MYO3B: variants seen among roughly 807,000 people sequenced by gnomAD.
MYO3B encodes myosin IIIB.
MYO3B carries 156 observed loss-of-function variants against 174.6 expected under a neutral mutation model. That is an observed-to-expected ratio of 0.89 (90% CI 0.78 to 1.02). The LOEUF (loss-of-function observed/expected upper bound fraction) is 1.02. MYO3B is among the 50% of genes least tolerant of loss of function. MYO3B has a pLI of 0.00. For missense variants in MYO3B, 1,632 were observed against 1,639.4 expected, an observed-to-expected ratio of 1.00 and a Z score of 0.08; for synonymous variants, 563 against 569.1, an observed-to-expected ratio of 0.99 and a Z score of 0.15.
intron 32 of MYO3B, among the ~76,000 whole-genome samples, chr2:170,621,516 TTTTTTTG>T (rs1559167296): frequency 4.9e-5 from 5 of 102,434 alleles, no homozygotes; most frequent in East Asian, 8.5e-4. Context: ...TGTTTTTTTG[TTTTTTTG>T]TTTTTGAGAC....
chr2:170,291,692 C>A (rs968856908), intron 7 of MYO3B, among the ~76,000 whole-genome samples: 7 of 143,576 alleles, frequency 4.9e-5, no homozygotes, highest in African/African-American at 1.8e-4. Flanking sequence ...TTTTGCTGGG[C>A]ATAGTATTCT....
intron 25 of MYO3B, among the ~76,000 whole-genome samples, chr2:170,480,283 G>A (rs1463710527): frequency 6.6e-6 from 1 of 152,030 alleles, no homozygotes; most frequent in Admixed American, 6.6e-5. Flanking sequence ...CCCCAGAGAG[G>A]GTCCCATCAT....
In MYO3B at chr2:170,644,961, G is replaced by C. The variant is rs899881845; in HGVS notation, c.3734-6667G>C. Among the ~76,000 whole-genome samples the C allele has an allele frequency of 3.3e-5, 5 of 152,162 alleles. No individual in the cohort carries two copies. In the East Asian group the frequency reaches 9.6e-4, roughly 29 times the overall value. On this transcript the variant is annotated intron_variant, in intron 32 of 34. Transcript: ENST00000408978. ...AAGGTGCAGGGCAGGGGGTTGGGGGGAGGTGCAAAGATTCTTGAAAAGGAA... is the reference window on the plus strand; with the variant it reads ...AAGGTGCAGGGCAGGGGGTTGGGGGCAGGTGCAAAGATTCTTGAAAAGGAA...
intron 32 of MYO3B, among the ~76,000 whole-genome samples, chr2:170,619,949 G>A (rs1189875462): frequency 6.6e-6 from 1 of 151,466 alleles, no homozygotes; most frequent in Non-Finnish European, 1.5e-5. Context: ...GTTTCACCAT[G>A]TTGGCCAGGC....
chr2:170,197,191 G>A (rs1196321195), intron 1 of MYO3B, among the ~76,000 whole-genome samples: 14 of 151,872 alleles, frequency 9.2e-5, no homozygotes, highest in Admixed American at 7.2e-4. Flanking sequence ...ACTCCCACCC[G>A]TTTCTTCAAA....
chr2:170,298,351 C>T (rs942095906), intron 7 of MYO3B, among the ~76,000 whole-genome samples: 2 of 152,058 alleles, frequency 1.3e-5, no homozygotes, highest in African/African-American at 4.8e-5. Flanking sequence ...TCTCTCAGAA[C>T]AATTCTTAAA....
chr2:170,437,126 C>G (rs1393291797), intron 22 of MYO3B, among the ~76,000 whole-genome samples: 1 of 152,052 alleles, frequency 6.6e-6, no homozygotes, highest in African/African-American at 2.4e-5. Flanking sequence ...TCAACTTGTT[C>G]AAAGTCACAC....
chr2:170,483,375 C>CTTTTTTTTTTTTTTTTTTTTTTT, intron 25 of MYO3B, among the ~76,000 whole-genome samples: 1 of 62,098 alleles, frequency 1.6e-5, no homozygotes. Flanking sequence ...CTTGGGGATT[C>CTTTTTTTTTTTTTTTTTTTTTTT]TTTTTTTTTT....
At chr2:170,501,321 C>G (rs1004613205) in intron 27 of MYO3B, among the ~76,000 whole-genome samples, 1 of 152,162 alleles carries the variant, frequency 6.6e-6, no homozygotes. Context: ...CCCTTAACTC[C>G]GCTCTTTCTC....
chr2:170,360,972 A>G (rs140329351), intron 8 of MYO3B, among the ~76,000 whole-genome samples: 2 of 152,360 alleles, frequency 1.3e-5, no homozygotes, highest in African/African-American at 4.8e-5. Context: ...GTCATCTGAT[A>G]GAGCAGTGCA....
At chr2:170,516,825 C>T (rs72880174) in intron 29 of MYO3B, among the ~76,000 whole-genome samples, 15,537 of 152,166 alleles carry the variant, frequency 0.1, 921 homozygotes, top group Admixed American at 0.19. Flanking sequence ...CCTGTACATT[C>T]CCCAAGTTCG....
chr2:170,530,094 A>G (rs1160013263), intron 30 of MYO3B, among the ~76,000 whole-genome samples: 1 of 152,228 alleles, frequency 6.6e-6, no homozygotes, highest in Non-Finnish European at 1.5e-5. Flanking sequence ...ATGCCACAAC[A>G]TCTCCGTGTG....
intron 1 of MYO3B, among the ~76,000 whole-genome samples, chr2:170,188,356 G>A (rs1403179246): frequency 6.6e-6 from 1 of 152,148 alleles, no homozygotes; most frequent in East Asian, 1.9e-4. Context: ...CAGTCCGTGT[G>A]TGCCTTGATA....
At chr2:170,357,891 G>A (rs1452449339) in intron 8 of MYO3B, among the ~76,000 whole-genome samples, 3 of 152,168 alleles carry the variant, frequency 2.0e-5, no homozygotes, top group Non-Finnish European at 2.9e-5. Flanking sequence ...AGTGGCTCAC[G>A]CCTGTAATCC....
chr2:170,338,073 T>C (rs549353279), intron 8 of MYO3B: 16 of 152,296 alleles, frequency 1.1e-4, no homozygotes, highest in African/African-American at 3.4e-4. Context: ...TTATGGCAAA[T>C]CCTATTATAT....
At chr2:170,619,397 C>T (rs1373033153) in intron 32 of MYO3B, among the ~76,000 whole-genome samples, 1 of 152,198 alleles carries the variant, frequency 6.6e-6, no homozygotes, top group Non-Finnish European at 1.5e-5. Flanking sequence ...TTACAATAAT[C>T]AGGAGCATTT....
At chr2:170,447,701 T>C (rs1334135503) in intron 23 of MYO3B, among the ~76,000 whole-genome samples, 4 of 152,184 alleles carry the variant, frequency 2.6e-5, no homozygotes, top group African/African-American at 9.7e-5. Context: ...GGAATTGCAA[T>C]AGAGAAAGAG....
At chr2:170,354,853 G>A (rs1014114852) in intron 8 of MYO3B, among the ~76,000 whole-genome samples, 14 of 150,662 alleles carry the variant, frequency 9.3e-5, no homozygotes, top group South Asian at 4.2e-4. Context: ...CTATTTGGCC[G>A]TCAGTGTCTT....
At chr2:170,266,189 A>AAAAC (rs1344771600) in intron 7 of MYO3B, among the ~76,000 whole-genome samples, 5 of 152,196 alleles carry the variant, frequency 3.3e-5, no homozygotes, top group African/African-American at 1.2e-4. Flanking sequence ...CAAAATTAAT[A>AAAAC]AAACAATGCA....
Sources: gnomAD v4.1 joint callset for allele counts (sites outside exome capture counted in the v4.1 genomes callset) on GRCh38, gnomAD v4.1.1 for gene constraint, MANE v1.5 for transcripts, NCBI Gene and HGNC (gene_info 2026-07-23, HGNC 2026-07-21) for gene names.